Variants in SYN3 observed in about 807,000 individuals in gnomAD.
SYN3 encodes synapsin III, also known as synapsin-3.
Under a neutral mutation model 65.8 loss-of-function variants are expected in SYN3, and 35 were observed. The ratio of observed to expected loss-of-function variants is 0.53; its 90% CI spans 0.41 to 0.70. The LOEUF (loss-of-function observed/expected upper bound fraction) is 0.70, where lower values mean the gene tolerates loss of function less well. Ranked by LOEUF, SYN3 falls within the 30% of genes least tolerant of loss-of-function variation. SYN3 has a pLI of 0.00. For synonymous variants in SYN3, 270 were observed against 292.9 expected (o/e 0.92, Z 0.80); for missense variants, 680 against 749.0 (o/e 0.91, Z 1.08).
At chr22:32,562,653 A>G (rs2058603369) in intron 7 of SYN3, among the ~76,000 whole-genome samples, 2 of 152,240 alleles carry the variant, frequency 1.3e-5, no homozygotes, top group East Asian at 1.9e-4. Context: ...TTTCTGCCCA[A>G]CAGGAGAATA....
intron 2 of SYN3, among the ~76,000 whole-genome samples, chr22:32,990,216 G>A (rs2052654764): frequency 6.6e-6 from 1 of 152,086 alleles, no homozygotes; most frequent in Admixed American, 6.6e-5. Context: ...AAAGTGCAGA[G>A]CACCAAAAGA....
At chr22:32,820,644 G>A (rs569168954) in intron 6 of SYN3, among the ~76,000 whole-genome samples, 7 of 152,226 alleles carry the variant, frequency 4.6e-5, no homozygotes, top group Non-Finnish European at 8.8e-5. Flanking sequence ...GCAGGGGCCC[G>A]GAGAAAACAA....
At chr22:32,764,793 G>T (rs959287508) in intron 6 of SYN3, among the ~76,000 whole-genome samples, 1 of 152,230 alleles carries the variant, frequency 6.6e-6, no homozygotes, top group East Asian at 1.9e-4. Context: ...GCAGGTTGAA[G>T]TTCACATGTG....
intron 6 of SYN3, among the ~76,000 whole-genome samples, chr22:32,687,447 A>AC (rs2060606271): frequency 0.4 from 220 of 550 alleles, 1 homozygote; most frequent in African/African-American, 0.48. Flanking sequence ...TACAGGCATG[A>AC]GCACCACGCC....
At chr22:32,852,464 CCA>C (rs1189203547) in intron 6 of SYN3, among the ~76,000 whole-genome samples, 6 of 152,070 alleles carry the variant, frequency 3.9e-5, no homozygotes, top group Non-Finnish European at 8.8e-5. Flanking sequence ...GAGAGAGAGG[CCA>C]GAGAGGCAAG....
rs1170552905 is a variant in SYN3, at chr22:33,028,691, ATGGTGGTGGTGGTGGTGG to A, written c.-162-21885_-162-21868del. Among the ~76,000 whole-genome samples the A allele has an allele frequency of 9.3e-5, 4 of 43,122 alleles. No homozygotes were observed. In the South Asian group the frequency reaches 1.6e-3, roughly 18 times the overall value. The allele number at this position is 43,122 out of a possible 152,430, so 28.3% of individuals were successfully genotyped here. On this transcript the variant is annotated intron_variant, in intron 1 of 13. Transcript: ENST00000358763. ...GGTGGTGGTGGTGGTGGTGGTGGTGATGGTGGTGGTGGTGGTGGTGGTGGGGTTGCTACCATTAACTGA... is the reference window on the plus strand; with the variant it reads ...GGTGGTGGTGGTGGTGGTGGTGGTGATGGTGGGGTTGCTACCATTAACTGA...
intron 12 of SYN3, among the ~76,000 whole-genome samples, chr22:32,522,284 A>G (rs2057897473): frequency 6.6e-6 from 1 of 152,128 alleles, no homozygotes; most frequent in South Asian, 2.1e-4. Context: ...AATTACCTTA[A>G]TTGGTTTTAA....
At chr22:32,646,957 G>A (rs1282804327) in intron 6 of SYN3, among the ~76,000 whole-genome samples, 2 of 152,170 alleles carry the variant, frequency 1.3e-5, no homozygotes, top group Admixed American at 1.3e-4. Context: ...AAGAGACAAG[G>A]GCTGGCTCCC....
At chr22:32,751,456 G>C in intron 6 of SYN3, among the ~76,000 whole-genome samples, 1 of 152,228 alleles carries the variant, frequency 6.6e-6, no homozygotes, top group Non-Finnish European at 1.5e-5. Flanking sequence ...GATCTGGGGA[G>C]TCCAGGTGCG....
chr22:32,878,388 T>C (rs1184034989), intron 4 of SYN3, among the ~76,000 whole-genome samples: 1 of 152,194 alleles, frequency 6.6e-6, no homozygotes, highest in Non-Finnish European at 1.5e-5. Flanking sequence ...CCACTCCTCA[T>C]TTCCACTCTG....
At chr22:32,567,456 G>A (rs1007435229) in intron 7 of SYN3, among the ~76,000 whole-genome samples, 10 of 151,340 alleles carry the variant, frequency 6.6e-5, no homozygotes, top group African/African-American at 1.9e-4. Flanking sequence ...AGAGCCAAAA[G>A]AGATTAAGAT....
intron 13 of SYN3, among the ~76,000 whole-genome samples, chr22:32,517,673 A>G (rs1238378464): frequency 3.9e-5 from 6 of 152,156 alleles, no homozygotes; most frequent in African/African-American, 1.2e-4. Flanking sequence ...TCTATAGGAG[A>G]CACCAGCAGA....
Position 32,857,353 on chromosome 22 carries a change from G to A in SYN3, c.711+7562C>T, listed in dbSNP as rs1198330291. 2 of 1,613,724 alleles carry A rather than the reference G, an allele frequency of 1.2e-6. No individual in the cohort carries two copies. The highest frequency in any genetic ancestry group is 1.1e-5 in the South Asian group (1 of 91,072). On this transcript the variant is annotated intron_variant, in intron 6 of 13. Coordinates refer to ENST00000358763, the MANE Select transcript of SYN3 (RefSeq NM_003490.4). ...TGGAGGTCAACAAGTACCAGTACCT[G>A]CTGACAGGTAATGGCCAACTCTAGC...
At chr22:32,889,390 T>A (rs2049379529) in intron 4 of SYN3, among the ~76,000 whole-genome samples, 1 of 148,768 alleles carries the variant, frequency 6.7e-6, no homozygotes, top group Non-Finnish European at 1.5e-5. Flanking sequence ...AGAATGAGCT[T>A]CTCAGGGCCC....
chr22:32,682,293 A>C (rs1276508915), intron 6 of SYN3, among the ~76,000 whole-genome samples: 1 of 152,212 alleles, frequency 6.6e-6, no homozygotes, highest in Non-Finnish European at 1.5e-5. Flanking sequence ...TCCAAATATC[A>C]ATCGTGTAGA....
intron 2 of SYN3, among the ~76,000 whole-genome samples, chr22:32,985,489 C>T (rs1487744522): frequency 1.3e-5 from 2 of 152,180 alleles, no homozygotes; most frequent in Non-Finnish European, 2.9e-5. Context: ...ATCCTTCCTC[C>T]TATTTGACCC....
At chr22:32,885,685 C>T (rs80690) in intron 4 of SYN3, among the ~76,000 whole-genome samples, 31,151 of 151,964 alleles carry the variant, frequency 0.2, 3,987 homozygotes, top group Middle Eastern at 0.32. Context: ...CTCAGCCTCC[C>T]GAGTAGCTGG....
At chr22:32,727,163 C>T (rs1219477907) in intron 6 of SYN3, among the ~76,000 whole-genome samples, 1 of 152,120 alleles carries the variant, frequency 6.6e-6, no homozygotes, top group East Asian at 1.9e-4. Context: ...CTGCAAGGCT[C>T]AGTGTGTGTT....
rs139724807 is a variant in SYN3 at position 32,814,061 on chromosome 22, A to G, written c.711+50854T>C. On this transcript the variant is annotated intron_variant, in intron 6 of 13. Transcript: ENST00000358763. Reference sequence around the variant, plus strand: ...TTCAATAAAAGTATCATGAATGAATAAGAACATTTGAGAAAGACAGCATTC... The same window carrying G: ...TTCAATAAAAGTATCATGAATGAATGAGAACATTTGAGAAAGACAGCATTC... Among the ~76,000 whole-genome samples, 938 of 151,286 alleles carry G rather than the reference A, an allele frequency of 6.2e-3. 13 individuals are homozygous for G. Among genetic ancestry groups the G allele is most frequent in the African/African-American group, 0.02 (822 of 41,150 alleles).
Sources: gnomAD v4.1 joint callset for allele counts (sites outside exome capture counted in the v4.1 genomes callset) on GRCh38, gnomAD v4.1.1 for gene constraint, MANE v1.5 for transcripts, NCBI Gene and HGNC (gene_info 2026-07-23, HGNC 2026-07-21) for gene names.